The following PDS5B variants were observed in gnomAD, a reference collection of about 807,000 sequenced individuals.
PDS5B encodes sister chromatid cohesion protein PDS5 homolog B.
A neutral mutation model predicts 184.1 loss-of-function variants in PDS5B; 51 were observed. The ratio of observed to expected loss-of-function variants is 0.28; its 90% CI spans 0.22 to 0.35. The LOEUF (loss-of-function observed/expected upper bound fraction) is 0.35. Ranked by LOEUF, PDS5B falls within the 10% of genes least tolerant of loss-of-function variation. The probability of loss-of-function intolerance (pLI) is 1.00; values close to 1 mark genes in which losing one functional copy is unlikely to be tolerated. For missense variants in PDS5B, 1,180 were observed against 1,723.3 expected (o/e 0.68, Z 5.58); for synonymous variants, 566 against 569.2 (o/e 0.99, Z 0.08).
At chr13:32,635,303 G>T (rs2058529886) in intron 1 of PDS5B, among the ~76,000 whole-genome samples, 1 of 142,794 alleles carries the variant, frequency 7.0e-6, no homozygotes. Context: ...CTCCCAAAGT[G>T]CTGGGATTAC....
rs1043578751 is a variant in PDS5B at position 32,683,749 on chromosome 13, G to T, written c.1058-129G>T. ...CTTTCTTCCTTCCCTTTCTTTCTGGGCTCTTAATTTTCTTGAAACTTCTAT... is the reference window on the plus strand; with the variant it reads ...CTTTCTTCCTTCCCTTTCTTTCTGGTCTCTTAATTTTCTTGAAACTTCTAT... On this transcript the variant is annotated intron_variant, in intron 10 of 34. Transcript: ENST00000315596. 4.0e-5 allele frequency: 23 copies of T among 567,970 alleles called. No homozygotes were observed. The African/African-American group carries it at 4.4e-4, about 11-fold the overall frequency. The allele number at this position is 567,970 out of a possible 1,614,324, so 35.2% of individuals were successfully genotyped here. A position where few individuals can be genotyped will look rare whatever the true frequency, so the allele number is the denominator to read the frequency against.
chr13:32,587,061 G>T (rs1355205062), intron 1 of PDS5B, among the ~76,000 whole-genome samples: 1 of 146,564 alleles, frequency 6.8e-6, no homozygotes, highest in African/African-American at 2.5e-5. Flanking sequence ...TTTCCCGGGC[G>T]GCAGGCGGGC....
At chr13:32,606,304 T>G (rs551357982) in intron 1 of PDS5B, among the ~76,000 whole-genome samples, 39 of 152,280 alleles carry the variant, frequency 2.6e-4, no homozygotes, top group African/African-American at 9.4e-4. Flanking sequence ...TGTAAGGGAT[T>G]TTATTTCTCC....
intron 1 of PDS5B, among the ~76,000 whole-genome samples, chr13:32,629,821 A>C (rs917824498): frequency 7.9e-5 from 12 of 152,218 alleles, no homozygotes; most frequent in African/African-American, 2.9e-4. Flanking sequence ...GATCTTGGGC[A>C]AAATCAGCGA....
At chr13:32,745,124 A>G (rs1953696938) in intron 23 of PDS5B, among the ~76,000 whole-genome samples, 1 of 150,696 alleles carries the variant, frequency 6.6e-6, no homozygotes, top group South Asian at 2.1e-4. Context: ...TTGAACTTAA[A>G]AAGAGCCTCT....
intron 24 of PDS5B, among the ~76,000 whole-genome samples, chr13:32,747,479 G>C (rs1192172527): frequency 6.6e-6 from 1 of 151,816 alleles, no homozygotes; most frequent in Non-Finnish European, 1.5e-5. Flanking sequence ...TCGGCCGGGC[G>C]TGGTGGCTCA....
rs1001647011 is a variant in PDS5B, at chr13:32,761,655, C to T, written c.3518+935C>T. ...ATGATTTCATCCTTTTTTATGGCTG[C>T]GTAGTATTCCATGGTATATATGAAC... On this transcript the variant is annotated intron_variant, in intron 30 of 34. Transcript: ENST00000315596. Among the ~76,000 whole-genome samples, 11 of 152,160 alleles carry T rather than the reference C, an allele frequency of 7.2e-5. No individual in the cohort carries two copies. The East Asian group carries it at 9.6e-4, about 13-fold the overall frequency.
At chr13:32,655,374 A>ATTTTTTT (rs1228814649) in intron 3 of PDS5B, among the ~76,000 whole-genome samples, 1 of 72,460 alleles carries the variant, frequency 1.4e-5, no homozygotes, top group Admixed American at 1.8e-4. Context: ...ATATATATAT[A>ATTTTTTT]TTTTTTTTTT....
chr13:32,697,188 G>A (rs961602126), intron 15 of PDS5B, among the ~76,000 whole-genome samples: 2 of 152,114 alleles, frequency 1.3e-5, no homozygotes, highest in African/African-American at 4.8e-5. Flanking sequence ...AAAATATAAA[G>A]GATATACCTA....
intron 1 of PDS5B, among the ~76,000 whole-genome samples, chr13:32,627,863 A>G (rs1194762208): frequency 6.6e-6 from 1 of 152,210 alleles, no homozygotes; most frequent in African/African-American, 2.4e-5. Flanking sequence ...TGGAGGAGAA[A>G]GTAAGAAGGG....
At chr13:32,631,140 G>C (rs1381841806) in intron 1 of PDS5B, among the ~76,000 whole-genome samples, 1 of 146,426 alleles carries the variant, frequency 6.8e-6, no homozygotes, top group African/African-American at 2.5e-5. Flanking sequence ...TTTTGAGATG[G>C]GGTCTCACTC....
intron 30 of PDS5B, among the ~76,000 whole-genome samples, chr13:32,761,119 A>T (rs1439893411): frequency 6.6e-6 from 1 of 152,246 alleles, no homozygotes; most frequent in Non-Finnish European, 1.5e-5. Flanking sequence ...TATATAAAGC[A>T]GCATTATGGA....
intron 1 of PDS5B, among the ~76,000 whole-genome samples, chr13:32,588,839 C>T (rs1186363729): frequency 6.6e-6 from 1 of 152,190 alleles, no homozygotes; most frequent in East Asian, 1.9e-4. Flanking sequence ...TAGGCTTTAT[C>T]AATAATTTGT....
At chr13:32,715,689 C>T (rs761576209) in intron 19 of PDS5B, among the ~76,000 whole-genome samples, 56 of 152,310 alleles carry the variant, frequency 3.7e-4, no homozygotes, top group Non-Finnish European at 5.7e-4. Context: ...TCTCTTTCCA[C>T]GGTCTCCCTC....
At chr13:32,626,891 G>A (rs947188800) in intron 1 of PDS5B, among the ~76,000 whole-genome samples, 3 of 152,156 alleles carry the variant, frequency 2.0e-5, no homozygotes, top group Admixed American at 6.6e-5. Context: ...TGCTTAAATA[G>A]TGACATATGC....
At chr13:32,735,361 T>C (rs1953293869) in intron 21 of PDS5B, 31 bp downstream of exon 21, 2 of 1,524,764 alleles carry the variant, frequency 1.3e-6, no homozygotes, top group South Asian at 2.4e-5. Flanking sequence ...TCATGTTCTT[T>C]GTAATGTTAA....
intron 1 of PDS5B, among the ~76,000 whole-genome samples, chr13:32,591,643 T>C (rs960017877): frequency 1.3e-5 from 2 of 152,230 alleles, no homozygotes; most frequent in Admixed American, 6.5e-5. Context: ...CATTGGACTT[T>C]AAAAAACTAT....
At position 32,760,581 on chromosome 13, in the gene PDS5B, A is replaced by G. The variant is rs763385447; in HGVS notation, c.3379A>G (p.Thr1127Ala). ...TGTGCATTTCTCATTTCAGCCTAAA[A>G]CAACCAATGTTCTAGGAGCTGTTAA... ...KSFFTPGKPKTTNVLGAVNKP... is the reference protein window; with the variant it reads ...KSFFTPGKPKATNVLGAVNKP... Residue 1127 changes from threonine (T) to alanine (A), a missense_variant, in exon 30 of 35, where the codon ACA (threonine) becomes GCA (alanine). Transcript: ENST00000315596. 1.2e-6 allele frequency: 2 copies of G among 1,613,484 alleles called. No homozygotes were observed. The highest frequency in any genetic ancestry group is 2.2e-5 in the East Asian group (1 of 44,846).
intron 1 of PDS5B, among the ~76,000 whole-genome samples, chr13:32,627,189 C>A (rs1318746817): frequency 6.6e-6 from 1 of 152,208 alleles, no homozygotes; most frequent in Non-Finnish European, 1.5e-5. Flanking sequence ...CTTAAAATAT[C>A]CCTCAGTGCC....
Sources: gnomAD v4.1 joint callset for allele counts (sites outside exome capture counted in the v4.1 genomes callset) on GRCh38, gnomAD v4.1.1 for gene constraint, MANE v1.5 for transcripts, NCBI Gene and HGNC (gene_info 2026-07-23, HGNC 2026-07-21) for gene names.